Variants in SPAG16 observed in about 807,000 individuals in gnomAD.
The protein encoded by SPAG16 is sperm associated antigen 16.
A neutral mutation model predicts 80.4 loss-of-function variants in SPAG16; 86 were observed. The ratio of observed to expected loss-of-function variants is 1.07; its 90% CI spans 0.90 to 1.28. SPAG16 has a LOEUF of 1.28. SPAG16 is among the 50% of genes most tolerant of loss of function. SPAG16 has a pLI of 0.00. For missense variants in SPAG16, 870 were observed against 765.3 expected (o/e 1.14, Z -1.61); for synonymous variants, 294 against 265.9 (o/e 1.11, Z -1.03).
At chr2:214,280,756 G>A (rs146078786) in intron 15 of SPAG16, 66 of 426,460 alleles carry the variant, frequency 1.5e-4, no homozygotes, top group African/African-American at 1.3e-3. Context: ...TATTTCCTGG[G>A]CGTCTTCTCA....
Position 213,821,138 on chromosome 2 carries a change from G to C in SPAG16, c.1071-41347G>C, listed in dbSNP as rs1202509054. On this transcript the variant is annotated intron_variant, in intron 10 of 15. Coordinates refer to ENST00000331683, the MANE Select transcript of SPAG16 (RefSeq NM_024532.5). Reference sequence around the variant, plus strand: ...GTCTTTTATAGGTTGATTAAATCTTGTAGGTTCATTCTTCTGTCATATTGT... The same window carrying C: ...GTCTTTTATAGGTTGATTAAATCTTCTAGGTTCATTCTTCTGTCATATTGT... Among the ~76,000 whole-genome samples, 4 of 151,966 alleles carry C rather than the reference G, an allele frequency of 2.6e-5. No individual in the cohort carries two copies. In the East Asian group the frequency reaches 7.7e-4, roughly 29 times the overall value.
intron 10 of SPAG16, among the ~76,000 whole-genome samples, chr2:213,849,356 G>C (rs1310052232): frequency 3.9e-5 from 6 of 152,000 alleles, no homozygotes; most frequent in Non-Finnish European, 1.5e-5. Context: ...CCCACCTCCC[G>C]ACACCACCAA....
intron 10 of SPAG16, among the ~76,000 whole-genome samples, chr2:213,553,078 T>TGA (rs2076834782): frequency 6.6e-6 from 1 of 152,162 alleles, no homozygotes; most frequent in African/African-American, 2.4e-5. Flanking sequence ...GGACTTCACC[T>TGA]TCACCTTGTG....
At chr2:213,478,211 C>A (rs908372283) in intron 9 of SPAG16, among the ~76,000 whole-genome samples, 1 of 152,156 alleles carries the variant, frequency 6.6e-6, no homozygotes, top group Admixed American at 6.5e-5. Flanking sequence ...TTGGGTATTT[C>A]TTCATAGCAG....
intron 10 of SPAG16, among the ~76,000 whole-genome samples, chr2:213,747,918 A>G (rs1354316172): frequency 6.6e-6 from 1 of 152,254 alleles, no homozygotes; most frequent in Non-Finnish European, 1.5e-5. Flanking sequence ...GTCATTCAGA[A>G]GTATGCTATT....
chr2:213,857,659 C>T (rs2075234647), intron 10 of SPAG16, among the ~76,000 whole-genome samples: 1 of 152,178 alleles, frequency 6.6e-6, no homozygotes, highest in Admixed American at 6.5e-5. Flanking sequence ...TATTTTCATG[C>T]CTGCTGACAG....
intron 13 of SPAG16, among the ~76,000 whole-genome samples, chr2:214,082,410 C>G (rs1424364865): frequency 6.6e-6 from 1 of 152,158 alleles, no homozygotes; most frequent in Non-Finnish European, 1.5e-5. Flanking sequence ...TTTTGGGAAC[C>G]TGATACGTTG....
chr2:213,354,659 G>A (rs1221730814), intron 7 of SPAG16, among the ~76,000 whole-genome samples: 8 of 152,038 alleles, frequency 5.3e-5, no homozygotes, highest in South Asian at 2.1e-4. Context: ...ATTTTTTCAC[G>A]TTTCTGTTGG....
intron 9 of SPAG16, among the ~76,000 whole-genome samples, chr2:213,489,191 A>C (rs1048244981): frequency 5.9e-5 from 9 of 152,294 alleles, no homozygotes; most frequent in African/African-American, 2.2e-4. Context: ...TCTCAGAGCA[A>C]TTTTAAAGAA....
chr2:213,489,172 T>C lies in SPAG16; in HGVS notation c.943-791T>C, dbSNP rs12614799. The stretch of plus-strand genomic sequence containing the variant: ...TAAATGGGTGCAAAAATTCATGATA[T>C]GAGCCTTCTCTCAGAGCAATTTTAA... On this transcript the variant is annotated intron_variant, in intron 9 of 15. Coordinates refer to ENST00000331683, the MANE Select transcript of SPAG16 (RefSeq NM_024532.5). 1.4e-4 allele frequency among the ~76,000 whole-genome samples: 22 copies of C among 152,218 alleles called. 1 individual carries two copies. The East Asian group carries it at 3.7e-3, about 25-fold the overall frequency.
chr2:214,117,776 A>G (rs1470780746), intron 14 of SPAG16, among the ~76,000 whole-genome samples: 2 of 152,326 alleles, frequency 1.3e-5, no homozygotes, highest in East Asian at 3.9e-4. Flanking sequence ...CTCATTAGCC[A>G]TGGGAAAAGC....
intron 15 of SPAG16, among the ~76,000 whole-genome samples, chr2:214,177,900 C>CATATATATATAT (rs373584812): frequency 1.6e-5 from 1 of 64,006 alleles, no homozygotes; most frequent in Non-Finnish European, 2.8e-5. Context: ...TATATATATA[C>CATATATATATAT]ATATATATAT....
chr2:213,611,753 G>A (rs2061446047), intron 10 of SPAG16, among the ~76,000 whole-genome samples: 1 of 152,026 alleles, frequency 6.6e-6, no homozygotes, highest in Non-Finnish European at 1.5e-5. Context: ...ATAACATATT[G>A]AAGAATGTAA....
chr2:214,083,688 A>G (rs1199629353), intron 13 of SPAG16, among the ~76,000 whole-genome samples: 1 of 152,142 alleles, frequency 6.6e-6, no homozygotes, highest in Non-Finnish European at 1.5e-5. Flanking sequence ...TAAAAAATAA[A>G]TTCAAGTTTT....
chr2:214,363,496 G>T (rs182757288), intron 15 of SPAG16, among the ~76,000 whole-genome samples: 1 of 151,786 alleles, frequency 6.6e-6, no homozygotes, highest in African/African-American at 2.4e-5. Flanking sequence ...CCACATTTCC[G>T]TTTACCACAT....
intron 10 of SPAG16, among the ~76,000 whole-genome samples, chr2:213,650,647 T>G (rs2062987155): frequency 6.6e-6 from 1 of 152,244 alleles, no homozygotes; most frequent in South Asian, 2.1e-4. Context: ...CAATCAGTCA[T>G]GTGGTTGCAG....
intron 1 of SPAG16, among the ~76,000 whole-genome samples, chr2:213,291,340 C>T (rs1375761693): frequency 1.3e-5 from 2 of 152,208 alleles, no homozygotes; most frequent in African/African-American, 4.8e-5. Flanking sequence ...TGCGTACAAA[C>T]ATAAGTGTCA....
chr2:213,294,987 C>T (rs539951547), intron 1 of SPAG16, among the ~76,000 whole-genome samples: 17 of 152,246 alleles, frequency 1.1e-4, no homozygotes, highest in Admixed American at 9.1e-4. Flanking sequence ...ACACTTAGAA[C>T]AGTTCCTGTC....
chr2:214,285,053 T>C (rs1693252272), intron 15 of SPAG16, among the ~76,000 whole-genome samples: 1 of 152,202 alleles, frequency 6.6e-6, no homozygotes, highest in African/African-American at 2.4e-5. Flanking sequence ...ACCTCCATAC[T>C]GTTTTCCATA....
Sources: gnomAD v4.1 joint callset for allele counts (sites outside exome capture counted in the v4.1 genomes callset) on GRCh38, gnomAD v4.1.1 for gene constraint, MANE v1.5 for transcripts, NCBI Gene and HGNC (gene_info 2026-07-23, HGNC 2026-07-21) for gene names.